MTHFD1L: variants seen among roughly 807,000 people sequenced by gnomAD.
MTHFD1L encodes the protein monofunctional C1-tetrahydrofolate synthase, mitochondrial.
Under a neutral mutation model 119.5 loss-of-function variants are expected in MTHFD1L, and 81 were observed. The ratio of observed to expected loss-of-function variants is 0.68; its 90% CI spans 0.57 to 0.82. The LOEUF (loss-of-function observed/expected upper bound fraction) is 0.82, where lower values mean the gene tolerates loss of function less well. MTHFD1L is among the 40% of genes least tolerant of loss of function. The probability of loss-of-function intolerance (pLI) is 0.00; values close to 1 mark genes in which losing one functional copy is unlikely to be tolerated. For synonymous variants in MTHFD1L, 430 were observed against 475.2 expected, an observed-to-expected ratio of 0.90 and a Z score of 1.24; for missense variants, 1,125 against 1,253.4, an observed-to-expected ratio of 0.90 and a Z score of 1.55.
chr6:150,923,975 A>G (rs1029575442), intron 10 of MTHFD1L, among the ~76,000 whole-genome samples: 4 of 152,202 alleles, frequency 2.6e-5, no homozygotes, highest in Non-Finnish European at 5.9e-5. Flanking sequence ...GTAAATCAAT[A>G]ATTTCTACTT....
chr6:151,006,498 A>G (rs1281444024), intron 20 of MTHFD1L, among the ~76,000 whole-genome samples: 2 of 152,142 alleles, frequency 1.3e-5, no homozygotes, highest in East Asian at 1.9e-4. Context: ...AAGGCACTTT[A>G]GGGAAGCAGG....
At chr6:150,868,049 C>T (rs1003520353) in intron 1 of MTHFD1L, among the ~76,000 whole-genome samples, 9 of 152,080 alleles carry the variant, frequency 5.9e-5, no homozygotes, top group Non-Finnish European at 8.8e-5. Context: ...ATCCGACTGC[C>T]TTGGCCTCCC....
chr6:151,058,426 A>G (rs1047797773), intron 26 of MTHFD1L, among the ~76,000 whole-genome samples: 3 of 152,240 alleles, frequency 2.0e-5, no homozygotes, highest in Non-Finnish European at 4.4e-5. Context: ...GGTACACTGT[A>G]CAGAAATGTG....
At chr6:151,032,427 C>T (rs1785471411) in intron 24 of MTHFD1L, among the ~76,000 whole-genome samples, 1 of 152,168 alleles carries the variant, frequency 6.6e-6, no homozygotes, top group Non-Finnish European at 1.5e-5. Context: ...AGAGTGAGAA[C>T]TCACTCATTA....
intron 4 of MTHFD1L, among the ~76,000 whole-genome samples, chr6:150,880,253 T>A (rs1048463018): frequency 2.0e-5 from 3 of 152,120 alleles, no homozygotes; most frequent in Non-Finnish European, 4.4e-5. Flanking sequence ...CTCTCCCCAT[T>A]TCCCCTCCCC....
intron 12 of MTHFD1L, among the ~76,000 whole-genome samples, chr6:150,937,728 A>G (rs1332504257): frequency 6.6e-6 from 1 of 152,138 alleles, no homozygotes; most frequent in Non-Finnish European, 1.5e-5. Context: ...TGAGCCAGTC[A>G]CAACCTCTCG....
At position 150,960,376 on chromosome 6, in the gene MTHFD1L, C is replaced by T. The variant is rs1360081394; in HGVS notation, c.1905C>T (p.Ala635=). 6.2e-7 allele frequency: 1 copy of T among 1,613,554 alleles called. No homozygotes were observed. The highest frequency in any genetic ancestry group is 8.5e-7 in the Non-Finnish European group (1 of 1,179,746). Residue 635 remains alanine (A), a synonymous_variant, in exon 18 of 28, where the codon GCC becomes GCT. Transcript: ENST00000367321. ...CACGGCTGGGAAGGATGGTGGTGGC[C>T]AGTGACAAAAGCGGGCAGCCTGTGA... is the stretch of plus-strand genomic sequence containing the variant. ...MKARLGRMVV[A]SDKSGQPVTA...
At chr6:150,952,155 C>T (rs925127352) in intron 16 of MTHFD1L, among the ~76,000 whole-genome samples, 10 of 151,814 alleles carry the variant, frequency 6.6e-5, no homozygotes, top group African/African-American at 1.7e-4. Flanking sequence ...AAAATTCTTC[C>T]GGAAAAAAAT....
At chr6:150,991,712 G>C (rs1016392437) in intron 20 of MTHFD1L, among the ~76,000 whole-genome samples, 1 of 152,202 alleles carries the variant, frequency 6.6e-6, no homozygotes, top group Non-Finnish European at 1.5e-5. Flanking sequence ...TAGAGTCTAA[G>C]ACATCTGGGG....
At chr6:150,887,175 T>C (rs1227150630) in intron 6 of MTHFD1L, among the ~76,000 whole-genome samples, 2 of 152,154 alleles carry the variant, frequency 1.3e-5, no homozygotes, top group African/African-American at 4.8e-5. Flanking sequence ...TATATGCTTT[T>C]TGGACAGTAA....
At chr6:150,994,094 A>AAAGAAGAAAGAAAGAAAGAAAGAAAGT (rs1482239065) in intron 20 of MTHFD1L, among the ~76,000 whole-genome samples, 11 of 119,614 alleles carry the variant, frequency 9.2e-5, no homozygotes, top group Non-Finnish European at 1.5e-4. Context: ...AGAAAGAAAG[A>AAAGAAGAAAGAAAGAAAGAAAGAAAGT]AAGTGACCCA....
At chr6:150,899,373 C>T (rs1288573320) in intron 7 of MTHFD1L, among the ~76,000 whole-genome samples, 1 of 152,160 alleles carries the variant, frequency 6.6e-6, no homozygotes, top group East Asian at 1.9e-4. Context: ...AAAAGAAACA[C>T]ACCCAATTCC....
chr6:151,008,234 T>G (rs1584095885), intron 20 of MTHFD1L, among the ~76,000 whole-genome samples: 1 of 152,252 alleles, frequency 6.6e-6, no homozygotes, highest in East Asian at 1.9e-4. Context: ...TAATTGTAAA[T>G]TTTGAAAGTT....
rs9478919 is a variant in MTHFD1L at position 151,037,189 on chromosome 6, G to T, written c.2847+72G>T. On this transcript the variant is annotated intron_variant, in intron 26 of 27. Coordinates refer to ENST00000367321, the MANE Select transcript of MTHFD1L (RefSeq NM_015440.5). ...GTGGTGCCTCAAATCGTTATGCTCCGCCCGCTCTTTAAAAATCATGGATTA... is the reference window on the plus strand; with the variant it reads ...GTGGTGCCTCAAATCGTTATGCTCCTCCCGCTCTTTAAAAATCATGGATTA... 12 of 1,514,912 alleles carry T rather than the reference G, an allele frequency of 7.9e-6. No individual in the cohort carries two copies. The African/African-American group carries it at 9.7e-5, about 12-fold the overall frequency. The allele number at this position is 1,514,912 out of a possible 1,614,324, so 93.8% of individuals were successfully genotyped here.
chr6:150,960,264 G>A lies in MTHFD1L; in HGVS notation c.1804-11G>A. On this transcript the variant is annotated splice_polypyrimidine_tract_variant and intron_variant, in intron 17 of 27. Transcript: ENST00000367321. The stretch of plus-strand genomic sequence containing the variant: ...TGTCGCTGACCACTACCTGTGTTTG[G>A]GCTGGTTCAGGCGCAGTTTGACATC... 1 of 1,608,726 alleles carries A rather than the reference G, an allele frequency of 6.2e-7. No homozygotes were observed. The highest frequency in any genetic ancestry group is 1.1e-5 in the South Asian group (1 of 90,388).
intron 1 of MTHFD1L, among the ~76,000 whole-genome samples, chr6:150,872,286 G>A (rs918336955): frequency 2.0e-5 from 3 of 152,156 alleles, no homozygotes; most frequent in African/African-American, 7.2e-5. Context: ...GGCTCAAGAG[G>A]CCTAGCTTTT....
At chr6:150,901,207 G>C (rs1174995639) in intron 7 of MTHFD1L, among the ~76,000 whole-genome samples, 1 of 152,040 alleles carries the variant, frequency 6.6e-6, no homozygotes, top group Non-Finnish European at 1.5e-5. Context: ...AGTGGCTCAC[G>C]CCTGTAATCC....
chr6:151,010,120 C>T (rs766337310), intron 21 of MTHFD1L, among the ~76,000 whole-genome samples, 162 bp downstream of exon 21: 4 of 152,032 alleles, frequency 2.6e-5, no homozygotes, highest in Non-Finnish European at 5.9e-5. Flanking sequence ...ACATCTAAAA[C>T]GTTTTTTGTT....
chr6:150,897,309 T>C (rs1784395648), intron 7 of MTHFD1L, among the ~76,000 whole-genome samples: 1 of 152,214 alleles, frequency 6.6e-6, no homozygotes, highest in African/African-American at 2.4e-5. Flanking sequence ...TATGATGCCC[T>C]TCCTGTACCT....
Sources: gnomAD v4.1 joint callset for allele counts (sites outside exome capture counted in the v4.1 genomes callset) on GRCh38, gnomAD v4.1.1 for gene constraint, MANE v1.5 for transcripts, NCBI Gene and HGNC (gene_info 2026-07-23, HGNC 2026-07-21) for gene names.